Variants in ADAM2 observed in about 807,000 individuals in gnomAD.
ADAM2 encodes the protein disintegrin and metalloproteinase domain-containing protein 2.
In ADAM2, 101 loss-of-function variants were observed where a neutral mutation model predicts 99.3. The observed-to-expected ratio is 1.02, with a 90% CI of 0.87 to 1.20. ADAM2 has a LOEUF of 1.20. Ranked by LOEUF, ADAM2 falls within the 50% of genes most tolerant of loss-of-function variation. The pLI is 0.00. For synonymous variants in ADAM2, 323 were observed against 287.6 expected, an observed-to-expected ratio of 1.12 and a Z score of -1.25; for missense variants, 948 against 878.7, an observed-to-expected ratio of 1.08 and a Z score of -1.00.
At chr8:39,799,348 T>C (rs1804108956) in intron 7 of ADAM2, among the ~76,000 whole-genome samples, 1 of 152,236 alleles carries the variant, frequency 6.6e-6, no homozygotes, top group African/African-American at 2.4e-5. Flanking sequence ...TTGTGTGGTT[T>C]TGAGTGAGTT....
chr8:39,833,058 A>G (rs1805680721), intron 3 of ADAM2, among the ~76,000 whole-genome samples: 1 of 152,110 alleles, frequency 6.6e-6, no homozygotes, highest in Admixed American at 6.6e-5. Context: ...ATTTCAGAGG[A>G]TGCTTTACTA....
intron 2 of ADAM2, among the ~76,000 whole-genome samples, chr8:39,836,620 T>C (rs1282573734): frequency 6.6e-6 from 1 of 151,940 alleles, no homozygotes; most frequent in African/African-American, 2.4e-5. Flanking sequence ...GATAAGAAGA[T>C]TTTAAATTCA....
intron 4 of ADAM2, among the ~76,000 whole-genome samples, chr8:39,823,716 C>T (rs1419720728): frequency 1.3e-5 from 2 of 151,806 alleles, no homozygotes; most frequent in African/African-American, 2.4e-5. Context: ...CACACATACG[C>T]ACACACACAT....
At chr8:39,816,211 C>T (rs1384622267) in intron 6 of ADAM2, among the ~76,000 whole-genome samples, 1 of 152,128 alleles carries the variant, frequency 6.6e-6, no homozygotes, top group Non-Finnish European at 1.5e-5. Flanking sequence ...GCAGGAGAAT[C>T]ACTTGAACCC....
chr8:39,776,879 G>A (rs751718799), intron 11 of ADAM2, 146 bp downstream of exon 11: 75 of 551,418 alleles, frequency 1.4e-4, no homozygotes, highest in Admixed American at 5.7e-4. Flanking sequence ...AATATGCATC[G>A]TGGGCATTGG....
chr8:39,755,661 C>A, intron 16 of ADAM2, 67 bp downstream of exon 16: 1 of 1,192,606 alleles, frequency 8.4e-7, no homozygotes, highest in South Asian at 1.3e-5. Flanking sequence ...GCAAGAGTGA[C>A]ACTCATCTCA....
At chr8:39,808,957 T>C (rs1165781174) in intron 7 of ADAM2, among the ~76,000 whole-genome samples, 1 of 152,060 alleles carries the variant, frequency 6.6e-6, no homozygotes, top group Non-Finnish European at 1.5e-5. Flanking sequence ...ATAAACATAT[T>C]GATCACTTAT....
chr8:39,773,943 G>C (rs927154780), intron 11 of ADAM2, among the ~76,000 whole-genome samples: 1 of 151,760 alleles, frequency 6.6e-6, no homozygotes, highest in Non-Finnish European at 1.5e-5. Flanking sequence ...GCCAATATTA[G>C]GGGAAAAAAT....
At chr8:39,790,056 G>A (rs576567744) in intron 7 of ADAM2, among the ~76,000 whole-genome samples, 1 of 151,966 alleles carries the variant, frequency 6.6e-6, no homozygotes, top group South Asian at 2.1e-4. Flanking sequence ...TGGTGAGGAT[G>A]TGAAGAAATT....
intron 6 of ADAM2, among the ~76,000 whole-genome samples, chr8:39,817,417 T>A (rs1804999442): frequency 6.6e-6 from 1 of 152,168 alleles, no homozygotes. Flanking sequence ...TCTAGTGTTC[T>A]ATAGCACCAT....
At chr8:39,834,680 A>G (rs1442235420) in intron 2 of ADAM2, among the ~76,000 whole-genome samples, 1 of 142,868 alleles carries the variant, frequency 7.0e-6, no homozygotes, top group African/African-American at 2.6e-5. Flanking sequence ...GGTTGCAGTG[A>G]GCCAAGATCA....
At chr8:39,814,427 A>G (rs961677778) in intron 6 of ADAM2, among the ~76,000 whole-genome samples, 1 of 152,190 alleles carries the variant, frequency 6.6e-6, no homozygotes, top group African/African-American at 2.4e-5. Flanking sequence ...AAAGGAGACA[A>G]AAGTGCTTAC....
chr8:39,763,871 T>C (rs1436860358), intron 14 of ADAM2, among the ~76,000 whole-genome samples: 6 of 152,074 alleles, frequency 3.9e-5, no homozygotes, highest in Non-Finnish European at 2.9e-5. Context: ...GTGATTTCAG[T>C]TGAGGCAAAC....
intron 18 of ADAM2, among the ~76,000 whole-genome samples, chr8:39,748,707 C>A (rs952038456): frequency 2.0e-5 from 3 of 152,112 alleles, no homozygotes; most frequent in Non-Finnish European, 4.4e-5. Context: ...TGCTGTCTTC[C>A]AGTCAGTTTT....
intron 7 of ADAM2, among the ~76,000 whole-genome samples, chr8:39,796,292 T>C (rs1219756454): frequency 2.0e-5 from 3 of 152,110 alleles, no homozygotes; most frequent in Non-Finnish European, 4.4e-5. Flanking sequence ...ACATGTGGTG[T>C]TTGGTTTTCT....
At chr8:39,796,901 T>G (rs1026345887) in intron 7 of ADAM2, among the ~76,000 whole-genome samples, 2 of 152,198 alleles carry the variant, frequency 1.3e-5, no homozygotes, top group Non-Finnish European at 2.9e-5. Flanking sequence ...GTTTTTTTTC[T>G]TGTAAATATG....
intron 15 of ADAM2, among the ~76,000 whole-genome samples, chr8:39,760,561 A>G (rs1260702008): frequency 6.6e-6 from 1 of 151,988 alleles, no homozygotes; most frequent in Non-Finnish European, 1.5e-5. Context: ...CTCTACTGAA[A>G]ACACAAAAAA....
At position 39,764,774 on chromosome 8, in the gene ADAM2, G is replaced by A. The variant is rs562419620; in HGVS notation, c.1507+2074C>T. The stretch of plus-strand genomic sequence containing the variant: ...CAAGCGAGTAATCCCAGCACTTCGG[G>A]AGGCCCAGGCAGGCAGATCACCTGT... On this transcript the variant is annotated intron_variant, in intron 14 of 20. Coordinates refer to ENST00000265708, the MANE Select transcript of ADAM2 (RefSeq NM_001464.5). Among the ~76,000 whole-genome samples the A allele has an allele frequency of 3.9e-5, 6 of 152,212 alleles. No homozygotes were observed. The East Asian group carries it at 9.7e-4, about 25-fold the overall frequency.
At chr8:39,824,709 T>C in intron 4 of ADAM2, 110 bp downstream of exon 4, 2 of 683,262 alleles carry the variant, frequency 2.9e-6, no homozygotes, top group East Asian at 2.7e-5. Flanking sequence ...ATTAAACTTA[T>C]GCCAAGAAGC....
Sources: allele counts gnomAD v4.1 joint callset (sites outside exome capture counted in the v4.1 genomes callset), GRCh38; gene constraint gnomAD v4.1.1; transcripts MANE v1.5; gene names NCBI Gene and HGNC (gene_info 2026-07-23, HGNC 2026-07-21).